MDGA2: variants seen among roughly 807,000 people sequenced by gnomAD.
MDGA2 encodes MAM domain-containing glycosylphosphatidylinositol anchor protein 2.
In MDGA2, 40 loss-of-function variants were observed where a neutral mutation model predicts 117.8. That is an observed-to-expected ratio of 0.34 (90% confidence interval 0.26 to 0.44). The LOEUF is 0.44. MDGA2 is among the 20% of genes least tolerant of loss of function. MDGA2 has a pLI of 1.00. For synonymous variants in MDGA2, 452 were observed against 439.0 expected (o/e 1.03, Z -0.37); for missense variants, 1,123 against 1,250.6 (o/e 0.90, Z 1.54).
At chr14:47,370,936 T>C (rs575421919) in intron 1 of MDGA2, among the ~76,000 whole-genome samples, 46 of 151,968 alleles carry the variant, frequency 3.0e-4, no homozygotes, top group Non-Finnish European at 4.7e-4. Context: ...TCGAACCTTA[T>C]TACAAATTCA....
At chr14:47,673,155 T>C (rs1298804915) in intron 1 of MDGA2, among the ~76,000 whole-genome samples, 1 of 152,100 alleles carries the variant, frequency 6.6e-6, no homozygotes, top group Non-Finnish European at 1.5e-5. Context: ...CTCAGCACTG[T>C]TCAGCCCTGG....
In MDGA2 at chr14:47,119,684, G is replaced by C. The variant is rs1594642395; in HGVS notation, c.925+12030C>G. On this transcript the variant is annotated intron_variant, in intron 5 of 16. Transcript: ENST00000399232. ...ATGCAGTAATACAGGACTTTATAAA[G>C]TATTCCTGATCAAGGGAATTAGAAA... Among the ~76,000 whole-genome samples, 4 of 152,100 alleles carry C rather than the reference G, an allele frequency of 2.6e-5. No individual in the cohort carries two copies. In the South Asian group the frequency reaches 8.3e-4, roughly 31 times the overall value.
At chr14:47,221,255 C>T (rs1053093524) in intron 2 of MDGA2, among the ~76,000 whole-genome samples, 14 of 151,958 alleles carry the variant, frequency 9.2e-5, no homozygotes, top group African/African-American at 3.4e-4. Context: ...AAAAGTTACT[C>T]TGGAATCTTA....
In MDGA2 at chr14:47,674,740, C is replaced by G; in HGVS notation, c.57G>C (p.Arg19Ser). 1 of 757,330 alleles carries G rather than the reference C, an allele frequency of 1.3e-6. No homozygotes were observed. Among genetic ancestry groups the G allele is most frequent in the Non-Finnish European group, 2.3e-6 (1 of 430,838 alleles). 46.9% of individuals were successfully genotyped at this position (757,330 alleles called of 1,614,324 possible). ...GAAGGAGGAAGCGCCGTCCGTCTGT[C>G]CTTCCCCGGCGGCGGCGGCGAGCGG... The part of the protein sequence containing the change: ...LRSARRRRRG[R>S]TDGRRFLLRR... Residue 19 changes from arginine to serine, a missense_variant, in exon 1 of 17, where the codon AGG becomes AGC. This residue lies in a region of MDGA2 where 233 missense variants were observed against 200.3 expected (regional missense o/e 1.16). Transcript: ENST00000399232.
At chr14:47,348,789 T>C (rs1890817518) in intron 1 of MDGA2, among the ~76,000 whole-genome samples, 1 of 152,168 alleles carries the variant, frequency 6.6e-6, no homozygotes, top group Non-Finnish European at 1.5e-5. Context: ...AAGAAAATTT[T>C]ATTTTAGCGG....
intron 1 of MDGA2, among the ~76,000 whole-genome samples, chr14:47,354,234 G>A (rs1314650130): frequency 6.6e-6 from 1 of 152,138 alleles, no homozygotes; most frequent in East Asian, 1.9e-4. Context: ...CTAAGATTCA[G>A]TGCAAGACAA....
chr14:47,072,424 A>G (rs764410640), intron 6 of MDGA2, among the ~76,000 whole-genome samples: 1 of 152,218 alleles, frequency 6.6e-6, no homozygotes, highest in African/African-American at 2.4e-5. Context: ...AGACACATCT[A>G]AGAGAAACAA....
chr14:47,035,389 T>A (rs1888809711), intron 7 of MDGA2, 85 bp from the exon 8 acceptor site: 2 of 1,080,466 alleles, frequency 1.9e-6, no homozygotes, highest in Non-Finnish European at 2.7e-6. Flanking sequence ...AGGAAACAAT[T>A]TCTGCTGGCT....
intron 1 of MDGA2, among the ~76,000 whole-genome samples, chr14:47,356,122 G>A (rs72683886): frequency 1.3e-5 from 2 of 152,184 alleles, no homozygotes; most frequent in Non-Finnish European, 2.9e-5. Context: ...GTAACACCTT[G>A]GATTCATCAC....
chr14:47,274,664 G>A lies in MDGA2; in HGVS notation c.420+26747C>T, dbSNP rs1888254837. On this transcript the variant is annotated intron_variant, in intron 2 of 16. Transcript: ENST00000399232. ...GAGGAATTCTCAAATAGTTCTTCAA[G>A]GTGGCTGCATCATTTTTTATTACTA... is the stretch of plus-strand genomic sequence containing the variant. 2.6e-5 allele frequency among the ~76,000 whole-genome samples: 4 copies of A among 152,092 alleles called. No homozygotes were observed. The South Asian group carries it at 8.3e-4, about 32-fold the overall frequency.
At chr14:46,931,204 G>A (rs35357852) in intron 9 of MDGA2, among the ~76,000 whole-genome samples, 40,126 of 119,924 alleles carry the variant, frequency 0.33, 6,292 homozygotes, top group South Asian at 0.56. Flanking sequence ...GACAGAGTGA[G>A]ACTACATCTC....
intron 3 of MDGA2, among the ~76,000 whole-genome samples, chr14:47,185,540 G>T (rs574942498): frequency 1.3e-5 from 2 of 151,496 alleles, no homozygotes; most frequent in South Asian, 4.1e-4. Flanking sequence ...GGGAACAGAA[G>T]ACATGAATAG....
At chr14:47,595,498 C>T (rs977621834) in intron 1 of MDGA2, among the ~76,000 whole-genome samples, 26 of 148,720 alleles carry the variant, frequency 1.7e-4, no homozygotes, top group African/African-American at 5.9e-4. Context: ...CACACCATCA[C>T]GCTCCAGCCT....
intron 9 of MDGA2, among the ~76,000 whole-genome samples, chr14:46,929,599 GTGTATATATATATATATATATATA>G (rs1210030819): frequency 1.2e-3 from 18 of 15,256 alleles, no homozygotes; most frequent in South Asian, 3.3e-3. Context: ...GTGTGTGTGT[GTGTATATATATATATATATATATA>G]TATATATATA....
chr14:46,915,237 G>T (rs2933189), intron 10 of MDGA2, among the ~76,000 whole-genome samples: 131,713 of 152,130 alleles, frequency 0.87, 58,513 homozygotes, highest in East Asian at 0.99. Flanking sequence ...ATCTGATTGT[G>T]TCCTAAGATA....
chr14:47,594,142 T>A (rs17118954), intron 1 of MDGA2, among the ~76,000 whole-genome samples: 5,992 of 152,236 alleles, frequency 0.039, 399 homozygotes, highest in African/African-American at 0.14. Context: ...GAAGCAATAG[T>A]CCTCGTACAA....
At chr14:47,423,665 G>A (rs1892625471) in intron 1 of MDGA2, among the ~76,000 whole-genome samples, 1 of 151,892 alleles carries the variant, frequency 6.6e-6, no homozygotes, top group Non-Finnish European at 1.5e-5. Context: ...TACTTATGTA[G>A]CTTTTTAAGA....
rs199568466 is a variant in MDGA2 at position 47,035,004 on chromosome 14, T to C, written c.1819+7A>G. 16 of 1,606,406 alleles carry C rather than the reference T, an allele frequency of 1.0e-5. No homozygotes were observed. The East Asian group carries it at 3.1e-4, about 31-fold the overall frequency. ...ATATGGAAATGCATAAAAGGGAATTTACTTACACTGAACGATGAGCTGCAC... is the reference window on the plus strand; with the variant it reads ...ATATGGAAATGCATAAAAGGGAATTCACTTACACTGAACGATGAGCTGCAC... On this transcript the variant is annotated splice_region_variant and intron_variant, in intron 8 of 16. Transcript: ENST00000399232.
intron 8 of MDGA2, among the ~76,000 whole-genome samples, chr14:46,994,354 C>G (rs1380932421): frequency 6.6e-6 from 1 of 152,164 alleles, no homozygotes; most frequent in Non-Finnish European, 1.5e-5. Context: ...GTCCTTCTAA[C>G]AAGTTATCAA....
Sources: gnomAD v4.1 joint callset for allele counts (sites outside exome capture counted in the v4.1 genomes callset) on GRCh38, gnomAD v4.1.1 for gene constraint, gnomAD v4.1.1 regional missense constraint, MANE v1.5 for transcripts, NCBI Gene and HGNC (gene_info 2026-07-23, HGNC 2026-07-21) for gene names.